MYH16: variants seen among roughly 807,000 people sequenced by gnomAD.
The protein encoded by MYH16 is myosin heavy chain 16.
At chr7:99,284,000 T>C in exon 25 of MYH16, 2 of 452,468 alleles carry the variant, frequency 4.4e-6, no homozygotes, top group Non-Finnish European at 8.9e-6. Context: ...AAGCTGGATC[T>C]CGAGGAGGTG....
chr7:99,277,749 A>C (rs765610989), intron 21 of MYH16, 37 bp downstream of exon 3: 45 of 443,400 alleles, frequency 1.0e-4, no homozygotes, highest in Non-Finnish European at 1.9e-4. Context: ...TGGGAAACCC[A>C]TACAGCCTGG....
At chr7:99,282,314 C>T (rs1243848858) in intron 23 of MYH16, among the ~76,000 whole-genome samples, 1 of 152,188 alleles carries the variant, frequency 6.6e-6, no homozygotes, top group Non-Finnish European at 1.5e-5. Flanking sequence ...GCGTGAGCCA[C>T]CACACCCGGC....
At chr7:99,260,479 G>A in intron 12 of MYH16, 1 of 441,538 alleles carries the variant, frequency 2.3e-6, no homozygotes, top group Non-Finnish European at 4.2e-6. Context: ...CTCCCTATCT[G>A]CAAAATGGGT....
exon 32 of MYH16, chr7:99,292,446 C>T (rs1008075210): frequency 4.3e-6 from 2 of 464,094 alleles, no homozygotes; most frequent in Non-Finnish European, 8.7e-6. Flanking sequence ...CTGAGGTCAC[C>T]ACCTGGAGGA....
chr7:99,288,115 T>C (rs1179599036), exon 29 of MYH16: 2 of 456,660 alleles, frequency 4.4e-6, no homozygotes, highest in East Asian at 7.0e-5. Flanking sequence ...AATGCCAGCA[T>C]GGAGACGATA....
intron 30 of MYH16, chr7:99,291,002 C>A (rs566293689): frequency 6.3e-6 from 1 of 159,556 alleles, no homozygotes; most frequent in South Asian, 1.8e-4. Flanking sequence ...ATACATTTTA[C>A]AAAGGAAATA....
chr7:99,279,819 C>A (rs1792176263), intron 22 of MYH16, 82 bp downstream of exon 4: 3 of 389,840 alleles, frequency 7.7e-6, no homozygotes, highest in South Asian at 5.6e-5. Flanking sequence ...GTGGCTACAC[C>A]CAGTGCCCTG....
chr7:99,244,405 T>G (rs1791704625), intron 2 of MYH16, among the ~76,000 whole-genome samples: 1 of 152,212 alleles, frequency 6.6e-6, no homozygotes, highest in Admixed American at 6.5e-5. Context: ...TTCCTGAAGG[T>G]GTTGCAGCTT....
At chr7:99,308,378 G>C (rs372829211), downstream of MYH16, among the ~76,000 whole-genome samples, 2 of 150,906 alleles carry the variant, frequency 1.3e-5, no homozygotes, top group South Asian at 2.1e-4. Flanking sequence ...TCCTAGGAGA[G>C]GAACAATCAG....
intron 2 of MYH16, among the ~76,000 whole-genome samples, chr7:99,245,077 C>G (rs1791712503): frequency 6.6e-6 from 1 of 152,202 alleles, no homozygotes; most frequent in Admixed American, 6.5e-5. Flanking sequence ...AGGGAGGTAA[C>G]TGGCTTCCAG....
At chr7:99,266,296 A>G (rs1791986476) in intron 17 of MYH16, among the ~76,000 whole-genome samples, 1 of 152,128 alleles carries the variant, frequency 6.6e-6, no homozygotes, top group African/African-American at 2.4e-5. Flanking sequence ...CACCTCCCAG[A>G]TAAACTACTT....
rs145915288 is a variant in MYH16, at chr7:99,295,968, C to T, written n.4283-733C>T. Among the ~76,000 whole-genome samples the T allele has an allele frequency of 9.8e-4, 148 of 151,470 alleles. 1 individual carries two copies. The highest frequency in any genetic ancestry group is 3.4e-3 in the African/African-American group (140 of 41,306). On this transcript the variant is annotated intron_variant and non_coding_transcript_variant, in intron 33 of 41. Transcript: ENST00000439784. ...AGCAGCTTGGCCAACATGGTGAAAC[C>T]CCATCTCTACTAAAAATACAAAAAG...
exon 3 of MYH16, chr7:99,247,644 C>G (rs1791748894): frequency 5.2e-6 from 1 of 190,944 alleles, no homozygotes; most frequent in Non-Finnish European, 1.1e-5. Flanking sequence ...AGTGGCTGCC[C>G]ATCTACGGGG....
Position 99,278,690 on chromosome 7 carries a change from G to C in MYH16, n.2660-820G>C, listed in dbSNP as rs146699295. On this transcript the variant is annotated intron_variant and non_coding_transcript_variant, in intron 21 of 41. Transcript: ENST00000439784. ...TGGTAGAAAACCCAGCCCTGGAAGG[G>C]GCCCAATTCCATCTCCAGTCCTCCC... Among the ~76,000 whole-genome samples the C allele has an allele frequency of 9.0e-4, 137 of 152,210 alleles. 2 individuals are homozygous for C. In the East Asian group the frequency reaches 0.022, roughly 25 times the overall value.
At chr7:99,278,946 C>A (rs1792156567) in intron 21 of MYH16, among the ~76,000 whole-genome samples, 1 of 152,212 alleles carries the variant, frequency 6.6e-6, no homozygotes, top group African/African-American at 2.4e-5. Context: ...AAACCCAACA[C>A]TCTGGGAGGC....
At chr7:99,242,472 G>A (rs1791677542) in intron 1 of MYH16, among the ~76,000 whole-genome samples, 1 of 150,712 alleles carries the variant, frequency 6.6e-6, no homozygotes, top group Admixed American at 6.6e-5. Context: ...CTTGTCTCTA[G>A]AAAAAAAAAT....
downstream of MYH16, among the ~76,000 whole-genome samples, chr7:99,308,293 TAAAAAA>T (rs10556699): frequency 5.0e-5 from 2 of 40,158 alleles, no homozygotes; most frequent in Non-Finnish European, 4.6e-5. Flanking sequence ...AGGCTCTGTC[TAAAAAA>T]AAAAAAAAAA....
chr7:99,294,500 C>CAAAAAAAAA (rs1159682450), intron 33 of MYH16, among the ~76,000 whole-genome samples: 2 of 25,560 alleles, frequency 7.8e-5, no homozygotes, highest in African/African-American at 2.1e-4. Flanking sequence ...GACCCTGTCT[C>CAAAAAAAAA]AAAAAAAAAA....
chr7:99,274,364 G>C (rs2150817095), intron 20 of MYH16, among the ~76,000 whole-genome samples: 2 of 152,342 alleles, frequency 1.3e-5, no homozygotes, highest in Middle Eastern at 6.8e-3. Context: ...GGAGAAAGGA[G>C]GACCCGCAGA....
Sources: allele counts gnomAD v4.1 joint callset (sites outside exome capture counted in the v4.1 genomes callset), GRCh38; gene constraint gnomAD v4.1.1; transcripts MANE v1.5; gene names NCBI Gene and HGNC (gene_info 2026-07-23, HGNC 2026-07-21).